The following NRXN1 variants were observed in gnomAD, a reference collection of about 807,000 sequenced individuals.
The protein encoded by NRXN1 is neurexin-1.
In NRXN1, 39 loss-of-function variants were observed where a neutral mutation model predicts 150.9. The ratio of observed to expected loss-of-function variants is 0.26; its 90% CI spans 0.20 to 0.34. The LOEUF (loss-of-function observed/expected upper bound fraction) is 0.34. NRXN1 is among the 10% of genes least tolerant of loss of function. NRXN1 has a pLI of 1.00. For missense variants in NRXN1, 1,815 were observed against 1,949.9 expected (o/e 0.93, Z 1.30); for synonymous variants, 924 against 757.0 (o/e 1.22, Z -3.62).
At chr2:51,000,857 G>A (rs867387932) in intron 2 of NRXN1, among the ~76,000 whole-genome samples, 2 of 151,880 alleles carry the variant, frequency 1.3e-5, no homozygotes, top group Admixed American at 6.6e-5. Context: ...GATGAGAAAT[G>A]ACACAGAAAA....
At chr2:50,829,600 G>C in intron 5 of NRXN1, 6 of 1,612,018 alleles carry the variant, frequency 3.7e-6, no homozygotes, top group Non-Finnish European at 5.1e-6. Context: ...GTGCTGGAGA[G>C]CCTTGAATAT....
chr2:50,602,185 C>T (rs948633501), intron 8 of NRXN1, among the ~76,000 whole-genome samples: 7 of 152,074 alleles, frequency 4.6e-5, no homozygotes, highest in Non-Finnish European at 8.8e-5. Context: ...TTGGAAAATT[C>T]ATCAACTATG....
At chr2:50,823,088 T>C (rs1669964651) in intron 5 of NRXN1, among the ~76,000 whole-genome samples, 1 of 152,176 alleles carries the variant, frequency 6.6e-6, no homozygotes. Flanking sequence ...CCATTACGAT[T>C]CCAGGAACCT....
At chr2:50,734,590 G>C (rs888354435) in intron 5 of NRXN1, among the ~76,000 whole-genome samples, 1 of 151,904 alleles carries the variant, frequency 6.6e-6, no homozygotes, top group Non-Finnish European at 1.5e-5. Flanking sequence ...CTGGCTCAAA[G>C]GTCCACTGCC....
chr2:50,138,842 T>C (rs1706814378), intron 18 of NRXN1, among the ~76,000 whole-genome samples: 2 of 152,206 alleles, frequency 1.3e-5, no homozygotes, highest in African/African-American at 4.8e-5. Context: ...CTTTAGTTTG[T>C]CATAAAACCA....
At chr2:51,022,854 T>C (rs1669849489) in intron 2 of NRXN1, among the ~76,000 whole-genome samples, 1 of 152,212 alleles carries the variant, frequency 6.6e-6, no homozygotes, top group Admixed American at 6.5e-5. Flanking sequence ...CTTGGGGGTA[T>C]ACTATAAAGT....
chr2:50,929,044 A>G (rs777032052), intron 2 of NRXN1, among the ~76,000 whole-genome samples: 1 of 152,092 alleles, frequency 6.6e-6, no homozygotes, highest in South Asian at 2.1e-4. Flanking sequence ...CAGAATATCA[A>G]TCATGCTATG....
At chr2:50,411,526 T>C (rs34483055) in intron 17 of NRXN1, among the ~76,000 whole-genome samples, 38,825 of 145,768 alleles carry the variant, frequency 0.27, 5,229 homozygotes, top group East Asian at 0.45. Context: ...CCCACCGCCC[T>C]GTCTGAGATG....
At chr2:50,187,895 G>A (rs1049279951) in intron 18 of NRXN1, among the ~76,000 whole-genome samples, 1 of 152,060 alleles carries the variant, frequency 6.6e-6, no homozygotes, top group Non-Finnish European at 1.5e-5. Context: ...TCTATTGCTG[G>A]TGTATTAGAA....
At chr2:50,390,711 T>C (rs1056652686) in intron 17 of NRXN1, among the ~76,000 whole-genome samples, 2 of 152,082 alleles carry the variant, frequency 1.3e-5, no homozygotes, top group Non-Finnish European at 2.9e-5. Flanking sequence ...AAAGAAAGTT[T>C]GGCCCCCTCT....
Position 50,053,511 on chromosome 2 carries a change from C to G in NRXN1, c.3888G>C (p.Gln1296His). 6.2e-7 allele frequency: 1 copy of G among 1,614,084 alleles called. No individual in the cohort carries two copies. Among genetic ancestry groups the G allele is most frequent in the East Asian group, 2.2e-5 (1 of 44,874 alleles). ...AGCCATTGTAGTACAGCCCAGAGAGCTGGCCCTGGAAGGGCTGGCCCTGCT... is the reference window on the plus strand; with the variant it reads ...AGCCATTGTAGTACAGCCCAGAGAGGTGGCCCTGGAAGGGCTGGCCCTGCT... ...GKEQGQPFQG[Q>H]LSGLYYNGLK... Residue 1296 changes from glutamine (Q) to histidine (H), a missense_variant, in exon 21 of 23, where the codon CAG becomes CAC. Transcript: ENST00000401669.
At chr2:50,431,720 C>A (rs926493774) in intron 17 of NRXN1, among the ~76,000 whole-genome samples, 1 of 152,170 alleles carries the variant, frequency 6.6e-6, no homozygotes, top group Admixed American at 6.5e-5. Context: ...ACACTACAAT[C>A]ACAGAGTTGA....
chr2:50,748,321 A>G (rs1037979649), intron 5 of NRXN1, among the ~76,000 whole-genome samples: 1 of 152,176 alleles, frequency 6.6e-6, no homozygotes, highest in Non-Finnish European at 1.5e-5. Flanking sequence ...GGTTAAATAG[A>G]AACTGTGATT....
chr2:50,681,118 G>C (rs563458684), intron 5 of NRXN1, among the ~76,000 whole-genome samples: 1 of 152,294 alleles, frequency 6.6e-6, no homozygotes, highest in Non-Finnish European at 1.5e-5. Context: ...TCTCAGGATA[G>C]ATACCCTATT....
At chr2:50,883,192 C>T (rs1679713979) in intron 5 of NRXN1, among the ~76,000 whole-genome samples, 1 of 151,754 alleles carries the variant, frequency 6.6e-6, no homozygotes, top group Non-Finnish European at 1.5e-5. Flanking sequence ...TTCATTTTTG[C>T]ATTGACATTA....
intron 21 of NRXN1, among the ~76,000 whole-genome samples, chr2:49,968,462 T>C (rs1677343197): frequency 6.6e-6 from 1 of 152,048 alleles, no homozygotes; most frequent in South Asian, 2.1e-4. Flanking sequence ...CCTGAGAACA[T>C]GTAGAACAAT....
chr2:50,536,594 C>G (rs973880658), intron 10 of NRXN1, among the ~76,000 whole-genome samples: 2 of 152,120 alleles, frequency 1.3e-5, no homozygotes. Flanking sequence ...GAGTTATACC[C>G]TTTTTTCAGC....
At chr2:50,105,855 T>A (rs1435780892) in intron 18 of NRXN1, among the ~76,000 whole-genome samples, 5 of 152,016 alleles carry the variant, frequency 3.3e-5, no homozygotes, top group African/African-American at 1.2e-4. Flanking sequence ...ATTACATACA[T>A]AGTTTATATG....
intron 18 of NRXN1, among the ~76,000 whole-genome samples, chr2:50,168,945 A>G (rs984823913): frequency 1.3e-5 from 2 of 152,226 alleles, no homozygotes; most frequent in African/African-American, 2.4e-5. Flanking sequence ...TAAGGCATTC[A>G]GTTAAAAGTA....
Sources: allele counts gnomAD v4.1 joint callset (sites outside exome capture counted in the v4.1 genomes callset), GRCh38; gene constraint gnomAD v4.1.1; transcripts MANE v1.5; gene names NCBI Gene and HGNC (gene_info 2026-07-23, HGNC 2026-07-21).